ALDH4A1: variants seen among roughly 807,000 people sequenced by gnomAD.
The protein encoded by ALDH4A1 is aldehyde dehydrogenase 4 family member A1.
A neutral mutation model predicts 70.5 loss-of-function variants in ALDH4A1; 46 were observed. That is an observed-to-expected ratio of 0.65 (90% confidence interval 0.51 to 0.83). ALDH4A1 has a LOEUF of 0.83. Among genes scored for constraint, ALDH4A1 ranks in the 40% least tolerant of loss-of-function variants. The probability of loss-of-function intolerance (pLI) is 0.00; values close to 1 mark genes in which losing one functional copy is unlikely to be tolerated. For missense variants in ALDH4A1, 749 were observed against 766.5 expected (o/e 0.98, Z 0.27); for synonymous variants, 323 against 324.3 (o/e 1.00, Z 0.04).
chr1:18,886,391 T>C (rs1404127142), intron 4 of ALDH4A1, 73 bp downstream of exon 4: 2 of 1,522,952 alleles, frequency 1.3e-6, no homozygotes, highest in African/African-American at 1.4e-5. Flanking sequence ...GCCCCCGCCA[T>C]ATCAGCAGCT....
intron 1 of ALDH4A1, 33 bp from the exon 2 acceptor site, chr1:18,890,138 A>G: frequency 6.4e-7 from 1 of 1,569,658 alleles, no homozygotes. Context: ...AGAGGCAGAG[A>G]GGTCAGCAGC....
chr1:18,876,434 C>A lies in ALDH4A1; in HGVS notation c.1219G>T (p.Ala407Ser), dbSNP rs145334067. The change falls in exon 12 of 15, where the codon GCA (alanine) becomes TCA (serine). Residue 407 changes from alanine to serine, a missense_variant. By Grantham distance (99) the Ala-to-Ser change is moderately conservative (BLOSUM62 1). Coordinates refer to ENST00000375341, the MANE Select transcript of ALDH4A1 (RefSeq NM_003748.4). ...ATGGTGAGGCTGGGTGAGGAGCGTG[C>A]GTGCTCCAGCCACTTCTTGATACGG... ...FARIKKWLEHARSSPSLTILA... is the reference protein window; with the variant it reads ...FARIKKWLEHSRSSPSLTILA... 7 of 1,603,842 alleles carry A rather than the reference C, an allele frequency of 4.4e-6. No homozygotes were observed. In the African/African-American group the frequency reaches 8.0e-5, roughly 18 times the overall value.
chr1:18,883,953 A>T (rs901695044), intron 5 of ALDH4A1, among the ~76,000 whole-genome samples: 10 of 152,198 alleles, frequency 6.6e-5, no homozygotes, highest in African/African-American at 1.9e-4. Context: ...TGATTCCCTT[A>T]AACCGTCAAT....
At chr1:18,899,541 A>G (rs1935731303) in intron 1 of ALDH4A1, among the ~76,000 whole-genome samples, 1 of 152,032 alleles carries the variant, frequency 6.6e-6, no homozygotes, top group Middle Eastern at 3.2e-3. Flanking sequence ...GATTGAGAAA[A>G]AAACAGGAAG....
rs1355942811 is a variant in ALDH4A1 at position 18,885,553 on chromosome 1, C to A, written c.373G>T (p.Ala125Ser). Residue 125 changes from alanine (A) to serine (S), a missense_variant, in exon 5 of 15, where the codon GCC becomes TCC. Physicochemically the swap from Ala to Ser is moderately conservative, Grantham distance 99 (BLOSUM62 1). Coordinates refer to ENST00000375341, the MANE Select transcript of ALDH4A1 (RefSeq NM_003748.4). The stretch of plus-strand genomic sequence containing the variant: ...TCTGCCGCCTTCAGGAAGATCTGGG[C>A]CCGGTCTGCAATAGGCTTCAGGTCC... Reference protein sequence around the residue: ...EWDLKPIADRAQIFLKAADML... With the variant: ...EWDLKPIADRSQIFLKAADML... The A allele has an allele frequency of 1.2e-6, 2 of 1,611,640 alleles. No individual in the cohort carries two copies. The highest frequency in any genetic ancestry group is 2.2e-5 in the East Asian group (1 of 44,774).
intron 1 of ALDH4A1, among the ~76,000 whole-genome samples, chr1:18,893,969 T>C (rs909039145): frequency 6.6e-6 from 1 of 152,246 alleles, no homozygotes; most frequent in Admixed American, 6.5e-5. Flanking sequence ...TGAGCTCGAA[T>C]AAACTACTTA....
chr1:18,897,311 A>G (rs1344421149), intron 1 of ALDH4A1, among the ~76,000 whole-genome samples: 6 of 151,902 alleles, frequency 3.9e-5, no homozygotes, highest in Non-Finnish European at 8.8e-5. Context: ...GGGAGGCGGA[A>G]GAGGGCGGAT....
At chr1:18,877,387 G>A (rs1156473610) in intron 10 of ALDH4A1, 29 bp downstream of exon 10, 4 of 1,554,284 alleles carry the variant, frequency 2.6e-6, no homozygotes, top group South Asian at 2.4e-5. Flanking sequence ...CCCCCGCTGG[G>A]CCGCGGCGGG....
At chr1:18,885,668 C>G in intron 4 of ALDH4A1, 40 bp from the exon 5 acceptor site, 1 of 1,612,762 alleles carries the variant, frequency 6.2e-7, no homozygotes, top group Non-Finnish European at 8.5e-7. Flanking sequence ...CCACCTGCAG[C>G]GGGAAAGGCC....
chr1:18,878,033 G>A (rs770586944), intron 9 of ALDH4A1, among the ~76,000 whole-genome samples: 9 of 151,882 alleles, frequency 5.9e-5, no homozygotes, highest in Non-Finnish European at 8.8e-5. Flanking sequence ...ACCCTATGTC[G>A]GCTGCCAGGG....
rs761460524 is a variant in ALDH4A1, at chr1:18,875,366, C to T, written c.1460+16G>A. 5.6e-6 allele frequency: 9 copies of T among 1,613,834 alleles called. No individual in the cohort carries two copies. The African/African-American group carries it at 6.7e-5, about 12-fold the overall frequency. On this transcript the variant is annotated intron_variant, in intron 13 of 14. Transcript: ENST00000375341. ...CACCCGGAGCACAGCACCAGGGCTG[C>T]GGCCTGGCCACTCACTTATCCTGGG...
chr1:18,877,087 C>T, intron 11 of ALDH4A1, 121 bp downstream of exon 11: 1 of 1,291,004 alleles, frequency 7.7e-7, no homozygotes, highest in Non-Finnish European at 1.1e-6. Flanking sequence ...GCTGAGCTGC[C>T]TTGATCAAAG....
chr1:18,889,173 G>A (rs1265947882), intron 3 of ALDH4A1, among the ~76,000 whole-genome samples, 189 bp downstream of exon 3: 1 of 152,224 alleles, frequency 6.6e-6, no homozygotes. Flanking sequence ...GCTATGGGCT[G>A]GATGCAGTGT....
intron 9 of ALDH4A1, among the ~76,000 whole-genome samples, chr1:18,878,062 C>T (rs983270665): frequency 6.6e-6 from 1 of 152,112 alleles, no homozygotes; most frequent in Non-Finnish European, 1.5e-5. Flanking sequence ...CTCCTCCCCA[C>T]GCGTGCTGGA....
chr1:18,894,012 G>A (rs1557626592), intron 1 of ALDH4A1, among the ~76,000 whole-genome samples: 1 of 152,200 alleles, frequency 6.6e-6, no homozygotes, highest in Non-Finnish European at 1.5e-5. Context: ...ATTTAAGGTT[G>A]ACATGATGCA....
chr1:18,890,137 G>A lies in ALDH4A1; in HGVS notation c.63-32C>T, dbSNP rs776346793. 8.2e-5 allele frequency: 129 copies of A among 1,569,428 alleles called. 5 individuals are homozygous for A. In the South Asian group the frequency reaches 1.4e-3, roughly 17 times the overall value. ...CACAAGGGCAGGGGACAGAGGCAGA[G>A]AGGTCAGCAGCGGCCCCACCACCAG... On this transcript the variant is annotated intron_variant, in intron 1 of 14. Coordinates refer to ENST00000375341, the MANE Select transcript of ALDH4A1 (RefSeq NM_003748.4).
intron 3 of ALDH4A1, among the ~76,000 whole-genome samples, chr1:18,887,941 A>G (rs1319526901): frequency 2.0e-5 from 3 of 152,206 alleles, no homozygotes; most frequent in African/African-American, 7.2e-5. Flanking sequence ...GAACGCTAGC[A>G]TGACCAATGA....
chr1:18,889,956 G>C, intron 2 of ALDH4A1, 56 bp downstream of exon 2: 2 of 1,417,918 alleles, frequency 1.4e-6, no homozygotes, highest in Non-Finnish European at 9.7e-7. Context: ...GGGCTGCTGG[G>C]GATGGCCTCT....
intron 13 of ALDH4A1, 55 bp from the exon 14 acceptor site, chr1:18,874,636 A>C (rs1181664527): frequency 1.3e-6 from 2 of 1,565,780 alleles, no homozygotes; most frequent in Non-Finnish European, 1.8e-6. Flanking sequence ...CTCCAGCCCC[A>C]GCTCCAGCCT....
Sources: gnomAD v4.1 joint callset for allele counts (sites outside exome capture counted in the v4.1 genomes callset) on GRCh38, gnomAD v4.1.1 for gene constraint, MANE v1.5 for transcripts, NCBI Gene and HGNC (gene_info 2026-07-23, HGNC 2026-07-21) for gene names.